The following GPC6 variants were observed in gnomAD, a reference collection of about 807,000 sequenced individuals.
GPC6 encodes the protein glypican 6, also known as glypican-6.
A neutral mutation model predicts 55.2 loss-of-function variants in GPC6; 14 were observed. That is an observed-to-expected ratio of 0.25 (90% confidence interval 0.17 to 0.40). The LOEUF is 0.40. Among genes scored for constraint, GPC6 ranks in the 10% least tolerant of loss-of-function variants. The probability of loss-of-function intolerance (pLI) is 1.00; values close to 1 mark genes in which losing one functional copy is unlikely to be tolerated. For synonymous variants in GPC6, 278 were observed against 259.6 expected (o/e 1.07, Z -0.68); for missense variants, 641 against 708.5 (o/e 0.90, Z 1.08).
At chr13:93,498,387 C>T (rs1477707133) in intron 1 of GPC6, among the ~76,000 whole-genome samples, 1 of 152,148 alleles carries the variant, frequency 6.6e-6, no homozygotes, top group African/African-American at 2.4e-5. Flanking sequence ...CTTACATATA[C>T]CTACAAACAC....
chr13:93,752,931 C>A (rs1884646810), intron 2 of GPC6, among the ~76,000 whole-genome samples: 1 of 152,124 alleles, frequency 6.6e-6, no homozygotes, highest in African/African-American at 2.4e-5. Flanking sequence ...TGTCAGCACC[C>A]CTGTGAGTGT....
At chr13:93,591,514 G>T (rs930466962) in intron 2 of GPC6, among the ~76,000 whole-genome samples, 1 of 150,444 alleles carries the variant, frequency 6.6e-6, no homozygotes, top group African/African-American at 2.4e-5. Flanking sequence ...TATCAATATT[G>T]TAGGATAAAA....
At chr13:94,225,900 C>A (rs1890542069) in intron 4 of GPC6, among the ~76,000 whole-genome samples, 1 of 152,208 alleles carries the variant, frequency 6.6e-6, no homozygotes, top group African/African-American at 2.4e-5. Flanking sequence ...TTCCAGTGGG[C>A]AAGTTCTTCT....
chr13:93,633,473 C>T (rs1418191862), intron 2 of GPC6, among the ~76,000 whole-genome samples: 1 of 151,862 alleles, frequency 6.6e-6, no homozygotes, highest in Non-Finnish European at 1.5e-5. Context: ...TGGTGAAAAC[C>T]CGTCTCTACT....
At chr13:94,020,300 C>G (rs1258820872) in intron 3 of GPC6, among the ~76,000 whole-genome samples, 4 of 152,058 alleles carry the variant, frequency 2.6e-5, no homozygotes, top group African/African-American at 9.7e-5. Context: ...TCAGTTTTCC[C>G]TCTGTTACTG....
chr13:93,428,142 A>G (rs192171483), intron 1 of GPC6, among the ~76,000 whole-genome samples: 164 of 151,716 alleles, frequency 1.1e-3, no homozygotes, highest in African/African-American at 3.6e-3. Context: ...TACATTTTTT[A>G]TGTGAAGATT....
intron 4 of GPC6, among the ~76,000 whole-genome samples, chr13:94,137,045 C>A (rs1045745340): frequency 6.6e-6 from 1 of 152,152 alleles, no homozygotes; most frequent in African/African-American, 2.4e-5. Flanking sequence ...TGGAAGATAT[C>A]CTAAATTTCT....
intron 1 of GPC6, among the ~76,000 whole-genome samples, chr13:93,285,030 G>T (rs1221218101): frequency 6.6e-6 from 1 of 152,160 alleles, no homozygotes; most frequent in Non-Finnish European, 1.5e-5. Flanking sequence ...AGCTGCAGAG[G>T]CTCTTAGGCT....
intron 4 of GPC6, among the ~76,000 whole-genome samples, chr13:94,163,025 A>G (rs962609671): frequency 2.0e-5 from 3 of 152,122 alleles, no homozygotes; most frequent in African/African-American, 7.2e-5. Context: ...TGGAGTGAGA[A>G]TTTTTTAAAA....
chr13:93,266,404 A>G (rs973313999), intron 1 of GPC6, among the ~76,000 whole-genome samples: 2 of 152,216 alleles, frequency 1.3e-5, no homozygotes. Flanking sequence ...ATATTTGATC[A>G]TAGGAATCAA....
intron 3 of GPC6, among the ~76,000 whole-genome samples, chr13:93,979,281 TTGTGTGTGTGTGTGTG>T (rs72400372): frequency 5.0e-5 from 7 of 140,180 alleles, no homozygotes; most frequent in Non-Finnish European, 7.7e-5. Context: ...GACACTTCTT[TTGTGTGTGTGTGTGTG>T]TGTGTGTGTG....
At chr13:93,942,738 G>A (rs924306402) in intron 3 of GPC6, among the ~76,000 whole-genome samples, 3 of 152,176 alleles carry the variant, frequency 2.0e-5, no homozygotes, top group African/African-American at 4.8e-5. Context: ...GGAGGGGTAC[G>A]AGTGCCAGAA....
At chr13:93,993,404 C>T (rs186118669) in intron 3 of GPC6, among the ~76,000 whole-genome samples, 2 of 151,782 alleles carry the variant, frequency 1.3e-5, no homozygotes, top group African/African-American at 4.8e-5. Flanking sequence ...AGTGATTCTC[C>T]TGCCTCAGCC....
At chr13:93,724,446 C>T (rs1241590803) in intron 2 of GPC6, among the ~76,000 whole-genome samples, 1 of 151,998 alleles carries the variant, frequency 6.6e-6, no homozygotes, top group East Asian at 1.9e-4. Context: ...CTTATACTTT[C>T]TCGTGAGATT....
intron 4 of GPC6, among the ~76,000 whole-genome samples, chr13:94,060,666 TA>T (rs1189635785): frequency 1.3e-5 from 2 of 152,138 alleles, no homozygotes; most frequent in Non-Finnish European, 2.9e-5. Flanking sequence ...GGTGCAAAAA[TA>T]AATCCCAAGT....
At chr13:94,024,178 A>G (rs533439689) in intron 3 of GPC6, among the ~76,000 whole-genome samples, 1 of 152,114 alleles carries the variant, frequency 6.6e-6, no homozygotes, top group East Asian at 1.9e-4. Flanking sequence ...AGGTCTACAG[A>G]CTAGTTAATA....
rs562433344 is a variant in GPC6 at position 94,021,164 on chromosome 13, A to G, written c.712-6565A>G. Among the ~76,000 whole-genome samples, 87 of 152,114 alleles carry G rather than the reference A, an allele frequency of 5.7e-4. 1 individual carries two copies. The Middle Eastern group carries it at 0.01, about 18-fold the overall frequency. ...ATGTTTTACTTACATTAACTTATCT[A>G]TCTTTTGAGAGCAGAAGATAGATAT... On this transcript the variant is annotated intron_variant, in intron 3 of 8. Coordinates refer to ENST00000377047, the MANE Select transcript of GPC6 (RefSeq NM_005708.5).
intron 4 of GPC6, among the ~76,000 whole-genome samples, chr13:94,071,055 C>T (rs78746611): frequency 3.9e-4 from 59 of 152,284 alleles, no homozygotes; most frequent in African/African-American, 1.4e-3. Flanking sequence ...AATGATGCTA[C>T]ACAGGGAAAG....
At chr13:93,474,416 A>G (rs2139332805) in intron 1 of GPC6, among the ~76,000 whole-genome samples, 1 of 152,206 alleles carries the variant, frequency 6.6e-6, no homozygotes, top group South Asian at 2.1e-4. Context: ...TTTCTCTGCC[A>G]TTATTCTCTG....
Sources: allele counts gnomAD v4.1 joint callset (sites outside exome capture counted in the v4.1 genomes callset), GRCh38; gene constraint gnomAD v4.1.1; transcripts MANE v1.5; gene names NCBI Gene and HGNC (gene_info 2026-07-23, HGNC 2026-07-21).